MGAT5: variants seen among roughly 807,000 people sequenced by gnomAD.
MGAT5 encodes alpha-1,6-mannosylglycoprotein 6-beta-N-acetylglucosaminyltransferase, also known as alpha-1,6-mannosylglycoprotein 6-beta-N-acetylglucosaminyltransferase A.
MGAT5 carries 30 observed loss-of-function variants against 94.3 expected under a neutral mutation model. The observed-to-expected ratio is 0.32, with a 90% CI of 0.24 to 0.43. MGAT5 has a LOEUF of 0.43. Ranked by LOEUF, MGAT5 falls within the 20% of genes least tolerant of loss-of-function variation. The pLI, the probability that MGAT5 is intolerant of heterozygous loss-of-function variation, is 1.00. For missense variants in MGAT5, 691 were observed against 905.5 expected, an observed-to-expected ratio of 0.76 and a Z score of 3.04; for synonymous variants, 310 against 322.9, an observed-to-expected ratio of 0.96 and a Z score of 0.43.
chr2:134,306,765 C>G (rs779132510), intron 2 of MGAT5, among the ~76,000 whole-genome samples: 6 of 152,124 alleles, frequency 3.9e-5, no homozygotes, highest in Admixed American at 1.3e-4. Flanking sequence ...GGTTAAGTAA[C>G]CTGCTCAGCT....
At chr2:134,383,978 C>T (rs1032240967) in intron 10 of MGAT5, among the ~76,000 whole-genome samples, 4 of 7,832 alleles carry the variant, frequency 5.1e-4, no homozygotes, top group South Asian at 0.038. Flanking sequence ...CGCGCCTGGC[C>T]GCTTAAGCAT....
intron 2 of MGAT5, among the ~76,000 whole-genome samples, chr2:134,312,835 G>T (rs1340891632): frequency 1.3e-5 from 2 of 152,164 alleles, no homozygotes; most frequent in Non-Finnish European, 2.9e-5. Flanking sequence ...ACTGTCAGAT[G>T]AGGTAACCAT....
intron 10 of MGAT5, among the ~76,000 whole-genome samples, chr2:134,384,915 T>C (rs1044706081): frequency 1.3e-4 from 20 of 152,190 alleles, no homozygotes; most frequent in South Asian, 2.1e-4. Context: ...GTGGGAATGG[T>C]TTGAGGCTAC....
chr2:134,158,965 C>T (rs1687605974), intron 1 of MGAT5, among the ~76,000 whole-genome samples: 1 of 152,138 alleles, frequency 6.6e-6, no homozygotes, highest in Non-Finnish European at 1.5e-5. Flanking sequence ...AAAATACACA[C>T]CAAATTCTAA....
intron 2 of MGAT5, among the ~76,000 whole-genome samples, chr2:134,290,939 C>T (rs190302955): frequency 6.6e-6 from 1 of 152,296 alleles, no homozygotes; most frequent in Admixed American, 6.5e-5. Context: ...TATTGCGTGT[C>T]TTCTAGGTGC....
intron 1 of MGAT5, among the ~76,000 whole-genome samples, chr2:134,180,940 G>A (rs1688705393): frequency 6.6e-6 from 1 of 152,200 alleles, no homozygotes; most frequent in African/African-American, 2.4e-5. Flanking sequence ...TGAAAGAGCT[G>A]CAGATACTTT....
At chr2:134,412,793 G>A in intron 11 of MGAT5, 76 bp from the exon 12 acceptor site, 6 of 1,569,782 alleles carry the variant, frequency 3.8e-6, no homozygotes, top group Non-Finnish European at 5.2e-6. Context: ...ATCGCCGCCT[G>A]CAAGCTAGGA....
chr2:134,354,320 G>A (rs1679584931), intron 9 of MGAT5, among the ~76,000 whole-genome samples: 1 of 152,156 alleles, frequency 6.6e-6, no homozygotes, highest in South Asian at 2.1e-4. Flanking sequence ...GAGGAACAAA[G>A]TCTTCAGGAC....
At chr2:134,241,072 T>A (rs527774788) in intron 1 of MGAT5, among the ~76,000 whole-genome samples, 1 of 152,384 alleles carries the variant, frequency 6.6e-6, no homozygotes, top group Non-Finnish European at 1.5e-5. Flanking sequence ...TTGGGAGATG[T>A]GTTTTGGATG....
At chr2:134,271,957 T>C (rs1222901359) in intron 2 of MGAT5, among the ~76,000 whole-genome samples, 2 of 152,226 alleles carry the variant, frequency 1.3e-5, no homozygotes, top group Non-Finnish European at 2.9e-5. Context: ...CTGTGTCATA[T>C]TTCTGGAGGT....
chr2:134,199,476 A>G (rs7601425), intron 1 of MGAT5, among the ~76,000 whole-genome samples: 96,285 of 151,248 alleles, frequency 0.64, 31,312 homozygotes, highest in African/African-American at 0.77. Flanking sequence ...TGCTGGCTGC[A>G]ACTGTATTTT....
chr2:134,390,953 T>A (rs1378433762), intron 10 of MGAT5, among the ~76,000 whole-genome samples: 48 of 152,334 alleles, frequency 3.2e-4, no homozygotes, highest in South Asian at 1.9e-3. Context: ...CTCTTTGTCT[T>A]GTTTCAGACC....
intron 1 of MGAT5, among the ~76,000 whole-genome samples, chr2:134,144,202 A>G (rs1230985175): frequency 6.6e-6 from 1 of 152,132 alleles, no homozygotes; most frequent in South Asian, 2.1e-4. Context: ...ATTTATAAAG[A>G]AAAGAGGTTT....
intron 1 of MGAT5, among the ~76,000 whole-genome samples, chr2:134,126,606 T>C (rs1277137073): frequency 6.6e-6 from 1 of 152,270 alleles, no homozygotes; most frequent in Non-Finnish European, 1.5e-5. Flanking sequence ...GATGTTTATC[T>C]TTGTATGTTT....
At chr2:134,345,164 C>T in intron 8 of MGAT5, 100 bp downstream of exon 8, 1 of 1,290,530 alleles carries the variant, frequency 7.7e-7, no homozygotes, top group Admixed American at 2.1e-5. Context: ...AGTATCTTTT[C>T]AGCTGTATGG....
rs529071506 is a variant in MGAT5, at chr2:134,306,526, A to G, written c.407-11003A>G. Among the ~76,000 whole-genome samples, 13 of 152,278 alleles carry G rather than the reference A, an allele frequency of 8.5e-5. No homozygotes were observed. The East Asian group carries it at 2.5e-3, about 29-fold the overall frequency. ...ACAATAGGACGAGTATATTGTACAA[A>G]TAGATTAAATGATCTAATGAGAGCT... On this transcript the variant is annotated intron_variant, in intron 2 of 15. Coordinates refer to ENST00000281923, the MANE Select transcript of MGAT5 (RefSeq NM_002410.5).
chr2:134,306,147 C>G (rs1346976937), intron 2 of MGAT5, among the ~76,000 whole-genome samples: 1 of 151,936 alleles, frequency 6.6e-6, no homozygotes, highest in Non-Finnish European at 1.5e-5. Context: ...ATATATGATA[C>G]CCACGTGGAA....
chr2:134,204,341 C>T (rs910461069), intron 1 of MGAT5, among the ~76,000 whole-genome samples: 1 of 152,110 alleles, frequency 6.6e-6, no homozygotes, highest in African/African-American at 2.4e-5. Context: ...TGCCTAAGTC[C>T]CTGTTCTGTA....
At chr2:134,410,939 GA>G (rs1683616766) in intron 11 of MGAT5, among the ~76,000 whole-genome samples, 1 of 152,162 alleles carries the variant, frequency 6.6e-6, no homozygotes, top group South Asian at 2.1e-4. Context: ...ACCACGGCCT[GA>G]CAGAGGTCAT....
Sources: allele counts gnomAD v4.1 joint callset (sites outside exome capture counted in the v4.1 genomes callset), GRCh38; gene constraint gnomAD v4.1.1; transcripts MANE v1.5; gene names NCBI Gene and HGNC (gene_info 2026-07-23, HGNC 2026-07-21).